DLG2: variants seen among roughly 807,000 people sequenced by gnomAD.
DLG2 encodes the protein disks large homolog 2.
Under a neutral mutation model 132.5 loss-of-function variants are expected in DLG2, and 45 were observed. The ratio of observed to expected loss-of-function variants is 0.34; its 90% confidence interval spans 0.27 to 0.44. DLG2 has a LOEUF of 0.44. Among genes scored for constraint, DLG2 ranks in the 20% least tolerant of loss-of-function variants. The probability of loss-of-function intolerance (pLI) is 1.00; values close to 1 mark genes in which losing one functional copy is unlikely to be tolerated. For missense variants in DLG2, 1,045 were observed against 1,196.9 expected, an observed-to-expected ratio of 0.87 and a Z score of 1.87; for synonymous variants, 424 against 419.6, an observed-to-expected ratio of 1.01 and a Z score of -0.13.
intron 15 of DLG2, among the ~76,000 whole-genome samples, chr11:83,928,951 T>G (rs1008279534): frequency 1.3e-5 from 2 of 152,174 alleles, no homozygotes; most frequent in Admixed American, 1.3e-4. Context: ...CTTTGACCTT[T>G]CAGCTTTAAA....
chr11:84,777,480 G>T (rs919524598), intron 6 of DLG2, among the ~76,000 whole-genome samples: 1 of 151,120 alleles, frequency 6.6e-6, no homozygotes, highest in African/African-American at 2.4e-5. Flanking sequence ...TGGGATTGCT[G>T]TATCTAATAG....
intron 4 of DLG2, among the ~76,000 whole-genome samples, chr11:85,198,034 A>G (rs2081191899): frequency 6.6e-6 from 1 of 152,148 alleles, no homozygotes; most frequent in Non-Finnish European, 1.5e-5. Context: ...GACGAACGAC[A>G]TGCATTCTTC....
At chr11:85,197,353 T>A (rs1299274282) in intron 4 of DLG2, among the ~76,000 whole-genome samples, 3 of 152,132 alleles carry the variant, frequency 2.0e-5, no homozygotes, top group African/African-American at 7.2e-5. Flanking sequence ...TAAAGAACAA[T>A]GCACATATTT....
intron 8 of DLG2, among the ~76,000 whole-genome samples, chr11:84,212,071 T>C (rs1484050104): frequency 6.6e-6 from 1 of 152,214 alleles, no homozygotes; most frequent in Non-Finnish European, 1.5e-5. Flanking sequence ...ATGCATGCCG[T>C]TCTGTGTTTT....
intron 6 of DLG2, among the ~76,000 whole-genome samples, chr11:84,857,923 C>T (rs1157956342): frequency 6.6e-6 from 1 of 151,664 alleles, no homozygotes; most frequent in South Asian, 2.1e-4. Context: ...CAAGGTCTCA[C>T]TGTGTGTCAT....
intron 3 of DLG2, among the ~76,000 whole-genome samples, chr11:85,401,367 C>T (rs961624520): frequency 6.6e-6 from 1 of 152,050 alleles, no homozygotes; most frequent in African/African-American, 2.4e-5. Flanking sequence ...TTATGATAAA[C>T]CCACAGCCAA....
intron 6 of DLG2, among the ~76,000 whole-genome samples, chr11:84,716,168 T>C (rs565842797): frequency 6.6e-6 from 1 of 152,172 alleles, no homozygotes; most frequent in African/African-American, 2.4e-5. Context: ...TTAACGATGT[T>C]GAGCACCTCT....
chr11:84,295,109 A>G (rs990745479), intron 7 of DLG2, among the ~76,000 whole-genome samples: 8 of 152,216 alleles, frequency 5.3e-5, no homozygotes, highest in Admixed American at 5.2e-4. Context: ...AGGCTTGCAT[A>G]AAATTAGTAT....
intron 7 of DLG2, among the ~76,000 whole-genome samples, chr11:84,475,873 C>T (rs2099120272): frequency 2.0e-5 from 3 of 152,042 alleles, no homozygotes; most frequent in East Asian, 1.9e-4. Flanking sequence ...TGGCATGGTA[C>T]TGTGACCTCC....
At chr11:84,661,234 A>G (rs900144275) in intron 6 of DLG2, among the ~76,000 whole-genome samples, 18 of 152,222 alleles carry the variant, frequency 1.2e-4, no homozygotes, top group African/African-American at 4.1e-4. Context: ...TGGTCTAGAG[A>G]TGTTGTGAGA....
chr11:84,810,989 G>A (rs1259319670), intron 6 of DLG2, among the ~76,000 whole-genome samples: 2 of 152,098 alleles, frequency 1.3e-5, no homozygotes, highest in South Asian at 2.1e-4. Flanking sequence ...TTGTGATAAA[G>A]AAAGTTATCT....
intron 6 of DLG2, among the ~76,000 whole-genome samples, chr11:84,862,818 G>A (rs961208400): frequency 1.3e-4 from 2 of 15,344 alleles, no homozygotes; most frequent in Non-Finnish European, 2.7e-4. Flanking sequence ...AGGTCCTGTC[G>A]GGGGGGGGGG....
At chr11:84,940,967 T>A (rs2049337962) in intron 6 of DLG2, among the ~76,000 whole-genome samples, 1 of 152,214 alleles carries the variant, frequency 6.6e-6, no homozygotes, top group East Asian at 1.9e-4. Flanking sequence ...TTCCCAGGAC[T>A]ATTTATTAAA....
chr11:84,856,240 T>C (rs2082771562), intron 6 of DLG2, among the ~76,000 whole-genome samples: 1 of 152,100 alleles, frequency 6.6e-6, no homozygotes, highest in South Asian at 2.1e-4. Context: ...ACATATTTCA[T>C]CCTGTGAAAG....
intron 9 of DLG2, among the ~76,000 whole-genome samples, chr11:84,120,763 G>T (rs1339473327): frequency 6.6e-6 from 1 of 152,226 alleles, no homozygotes; most frequent in Non-Finnish European, 1.5e-5. Context: ...CTACAGGCAT[G>T]TAAGAAAGAG....
intron 6 of DLG2, among the ~76,000 whole-genome samples, chr11:84,831,954 G>A (rs527324265): frequency 1.3e-5 from 2 of 151,724 alleles, no homozygotes; most frequent in South Asian, 4.1e-4. Context: ...TTAGTTAACA[G>A]CCTCTTAAAT....
At chr11:85,546,467 T>C (rs927750496) in intron 3 of DLG2, among the ~76,000 whole-genome samples, 2 of 152,206 alleles carry the variant, frequency 1.3e-5, no homozygotes, top group African/African-American at 4.8e-5. Context: ...ATGTATATTC[T>C]GTTGATGTGG....
At chr11:84,253,416 T>G (rs2097418449) in intron 7 of DLG2, among the ~76,000 whole-genome samples, 1 of 152,196 alleles carries the variant, frequency 6.6e-6, no homozygotes, top group South Asian at 2.1e-4. Context: ...GTGATATAGT[T>G]GAGTGTGCTT....
At chr11:84,549,655 C>T (rs976149219) in intron 6 of DLG2, among the ~76,000 whole-genome samples, 6 of 152,154 alleles carry the variant, frequency 3.9e-5, no homozygotes, top group African/African-American at 1.4e-4. Context: ...GACAGTGTCA[C>T]TATAGGAAAT....
Sources: allele counts gnomAD v4.1 joint callset (sites outside exome capture counted in the v4.1 genomes callset), GRCh38; gene constraint gnomAD v4.1.1; transcripts MANE v1.5; gene names NCBI Gene and HGNC (gene_info 2026-07-23, HGNC 2026-07-21).